The following RIN3 variants were observed in gnomAD, a reference collection of about 807,000 sequenced individuals.
The protein encoded by RIN3 is Ras and Rab interactor 3.
Under a neutral mutation model 76.3 loss-of-function variants are expected in RIN3, and 54 were observed. The observed-to-expected ratio is 0.71, with a 90% CI of 0.57 to 0.89. The LOEUF (loss-of-function observed/expected upper bound fraction) is 0.89. Among genes scored for constraint, RIN3 ranks in the 40% least tolerant of loss-of-function variants. RIN3 has a pLI of 0.00. For missense variants in RIN3, 1,256 were observed against 1,322.1 expected, an observed-to-expected ratio of 0.95 and a Z score of 0.78; for synonymous variants, 576 against 564.0, an observed-to-expected ratio of 1.02 and a Z score of -0.30.
rs1168675763 is a variant in RIN3 at position 92,555,928 on chromosome 14, C to G, written c.222C>G (p.Ala74=). The G allele has an allele frequency of 3.1e-6, 5 of 1,612,936 alleles. No homozygotes were observed. Among genetic ancestry groups the G allele is most frequent in the East Asian group, 4.5e-5 (2 of 44,896 alleles). ...LQLSLGQAEV[A]RILHRVVAGM... is the part of the protein sequence containing the mutation. ...TGAGTCTGGGCCAGGCAGAGGTGGC[C>G]AGGATCCTGCACCGGGTGGTGGCTG... The change falls in exon 2 of 10, where the codon GCC becomes GCG. Residue 74 remains alanine, a synonymous_variant. Transcript: ENST00000216487.
At chr14:92,632,848 C>A (rs760919916) in intron 4 of RIN3, among the ~76,000 whole-genome samples, 10 of 152,334 alleles carry the variant, frequency 6.6e-5, no homozygotes, top group Non-Finnish European at 1.0e-4. Flanking sequence ...AAGCTATGGG[C>A]AGCCTCAGGA....
chr14:92,533,261 T>G (rs930051296), intron 1 of RIN3, among the ~76,000 whole-genome samples: 6 of 152,216 alleles, frequency 3.9e-5, no homozygotes, highest in Admixed American at 6.5e-5. Context: ...TTAAATTAAT[T>G]AAAATGTGTC....
intron 2 of RIN3, among the ~76,000 whole-genome samples, chr14:92,573,673 G>A (rs909879527): frequency 6.6e-6 from 1 of 152,204 alleles, no homozygotes; most frequent in African/African-American, 2.4e-5. Context: ...ATGGGTTTTT[G>A]AAGCTCTGTG....
At chr14:92,530,853 C>T (rs1896863706) in intron 1 of RIN3, among the ~76,000 whole-genome samples, 1 of 152,118 alleles carries the variant, frequency 6.6e-6, no homozygotes, top group African/African-American at 2.4e-5. Context: ...CCTATCTTCT[C>T]CCCAAGTTGG....
chr14:92,614,855 T>G (rs1414086177), intron 3 of RIN3, among the ~76,000 whole-genome samples: 2 of 147,068 alleles, frequency 1.4e-5, no homozygotes, highest in East Asian at 2.0e-4. Flanking sequence ...TTTTTTTTTT[T>G]TTTTTTTGAG....
At chr14:92,621,731 A>G (rs530177517) in intron 4 of RIN3, among the ~76,000 whole-genome samples, 181 of 152,372 alleles carry the variant, frequency 1.2e-3, no homozygotes, top group African/African-American at 3.8e-3. Context: ...AATGTTTCCT[A>G]TTGAGACCCT....
At chr14:92,582,986 C>T (rs1884613619) in intron 3 of RIN3, among the ~76,000 whole-genome samples, 1 of 152,184 alleles carries the variant, frequency 6.6e-6, no homozygotes, top group South Asian at 2.1e-4. Flanking sequence ...TTTTCTCCTG[C>T]CTGTGTGACC....
Position 92,685,281 on chromosome 14 carries a change from G to C in RIN3, c.2631+131G>C. 1.0e-6 allele frequency: 1 copy of C among 954,898 alleles called. No individual in the cohort carries two copies. Among genetic ancestry groups the C allele is most frequent in the Admixed American group, 2.7e-5 (1 of 36,990 alleles). 59.2% of individuals were successfully genotyped at this position (954,898 alleles called of 1,614,324 possible). ...CAGCCCTGCCTTAGGGGAGCAGTGA[G>C]ACTCCCCACACCAGAGGAAGGGCCC... On this transcript the variant is annotated intron_variant, in intron 9 of 9. Transcript: ENST00000216487. The surrounding 1 kb of genome is among the most constrained non-coding windows in gnomAD (Gnocchi z 4.7).
rs1276434920 is a variant in RIN3, at chr14:92,656,320, GC to G, written c.2027-2839del. Among the ~76,000 whole-genome samples, 2 of 152,218 alleles carry G rather than the reference GC, an allele frequency of 1.3e-5. No homozygotes were observed. The highest frequency in any genetic ancestry group is 4.8e-5 in the African/African-American group (2 of 41,450). On this transcript the variant is annotated intron_variant, in intron 6 of 9. Coordinates refer to ENST00000216487, the MANE Select transcript of RIN3 (RefSeq NM_024832.5). The surrounding 1 kb of genome is among the most constrained non-coding windows in gnomAD (Gnocchi z 5.2). ...CCATTCACACAGGCAGTGAAAGTCA[GC>G]CTGAGGATTTAGCCCAGAGGTGATG... is the stretch of plus-strand genomic sequence containing the variant.
intron 2 of RIN3, among the ~76,000 whole-genome samples, chr14:92,564,473 A>G (rs1266062814): frequency 6.6e-6 from 1 of 152,218 alleles, no homozygotes. Context: ...CTACAAGAGT[A>G]TCTTCTAGAA....
At chr14:92,545,169 G>A (rs1483422553) in intron 1 of RIN3, among the ~76,000 whole-genome samples, 2 of 140,760 alleles carry the variant, frequency 1.4e-5, no homozygotes, top group Non-Finnish European at 3.0e-5. Flanking sequence ...GAGTGCAGTG[G>A]CACAGTCTCC....
chr14:92,610,039 T>A (rs1301761111), intron 3 of RIN3, among the ~76,000 whole-genome samples: 2 of 151,962 alleles, frequency 1.3e-5, no homozygotes, highest in Non-Finnish European at 2.9e-5. Context: ...GAAAAAAAAA[T>A]TTTAAGTATT....
chr14:92,570,653 C>T (rs1482382344), intron 2 of RIN3, among the ~76,000 whole-genome samples: 1 of 60,962 alleles, frequency 1.6e-5, no homozygotes, highest in Non-Finnish European at 3.2e-5. Flanking sequence ...CAAAGTGAGA[C>T]TGTCTCAAAA....
intron 3 of RIN3, among the ~76,000 whole-genome samples, chr14:92,603,658 C>T (rs1175170147): frequency 2.6e-5 from 4 of 152,276 alleles, no homozygotes; most frequent in East Asian, 1.9e-4. Flanking sequence ...TACATGGTAG[C>T]GAATCTCAGA....
chr14:92,646,960 A>T (rs924726368), intron 5 of RIN3, among the ~76,000 whole-genome samples: 4 of 152,218 alleles, frequency 2.6e-5, no homozygotes, highest in Non-Finnish European at 5.9e-5. Flanking sequence ...GAGCCAAGGA[A>T]TGTCTAGTTA....
intron 2 of RIN3, among the ~76,000 whole-genome samples, chr14:92,566,812 G>T (rs149628441): frequency 6.6e-6 from 1 of 152,254 alleles, no homozygotes; most frequent in East Asian, 1.9e-4. Context: ...TGGACCTGCC[G>T]CTTGAATGCC....
chr14:92,537,845 T>TA lies in RIN3; in HGVS notation c.45-17906_45-17905insA, dbSNP rs201257549. 3.8e-3 allele frequency among the ~76,000 whole-genome samples: 568 copies of TA among 149,474 alleles called. 7 individuals are homozygous for TA. Among genetic ancestry groups the TA allele is most frequent in the African/African-American group, 0.013 (520 of 39,994 alleles). Reference sequence around the variant, plus strand: ...TTTATTTATTTTATTTTATTTATTTTTTTTTTTTTGAGACGGAGTCTTGCT... The same window carrying TA: ...TTTATTTATTTTATTTTATTTATTTTATTTTTTTTTGAGACGGAGTCTTGCT... On this transcript the variant is annotated intron_variant, in intron 1 of 9. Transcript: ENST00000216487.
intron 4 of RIN3, among the ~76,000 whole-genome samples, chr14:92,637,157 A>G (rs1886806880): frequency 6.6e-6 from 1 of 152,140 alleles, no homozygotes; most frequent in Admixed American, 6.6e-5. Flanking sequence ...ATTGAAATAT[A>G]TAATGAAATA....
chr14:92,605,282 ATGCCCTAGTCAAAGAGAAAC>A (rs1441462828), intron 3 of RIN3, among the ~76,000 whole-genome samples: 2 of 152,204 alleles, frequency 1.3e-5, no homozygotes, highest in African/African-American at 4.8e-5. Context: ...ATAATGAAAA[ATGCCCTAGTCAAAGAGAAAC>A]TCTGACCAAG....
Sources: allele counts gnomAD v4.1 joint callset (sites outside exome capture counted in the v4.1 genomes callset), GRCh38; gene constraint gnomAD v4.1.1; non-coding constraint Gnocchi (gnomAD v3.1); transcripts MANE v1.5; gene names NCBI Gene and HGNC (gene_info 2026-07-23, HGNC 2026-07-21).